The following SLIT3 variants were observed in gnomAD, a reference collection of about 807,000 sequenced individuals.
SLIT3 encodes slit guidance ligand 3.
In SLIT3, 68 loss-of-function variants were observed where a neutral mutation model predicts 184.0. The observed-to-expected ratio is 0.37, with a 90% confidence interval of 0.30 to 0.45. The LOEUF is 0.45. Ranked by LOEUF, SLIT3 falls within the 20% of genes least tolerant of loss-of-function variation. SLIT3 has a pLI of 1.00. For missense variants in SLIT3, 1,707 were observed against 2,026.0 expected (o/e 0.84, Z 3.02); for synonymous variants, 831 against 828.6 (o/e 1.00, Z -0.05).
intron 3 of SLIT3, among the ~76,000 whole-genome samples, chr5:169,198,170 C>A (rs559575277): frequency 4.6e-5 from 7 of 152,340 alleles, no homozygotes; most frequent in African/African-American, 1.4e-4. Flanking sequence ...GAATAAGATA[C>A]AGCCCCTTCT....
chr5:169,136,241 T>C (rs1761498440), intron 4 of SLIT3, among the ~76,000 whole-genome samples: 1 of 152,126 alleles, frequency 6.6e-6, no homozygotes, highest in Non-Finnish European at 1.5e-5. Context: ...AAAAGTAGCA[T>C]GAACTACGAG....
At chr5:168,711,080 C>T (rs377027879) in intron 24 of SLIT3, 22 bp from the exon 25 acceptor site, 2 of 1,543,192 alleles carry the variant, frequency 1.3e-6, no homozygotes, top group Non-Finnish European at 1.8e-6. Flanking sequence ...AACAGGAAGT[C>T]AGGGCCCCCT....
intron 4 of SLIT3, among the ~76,000 whole-genome samples, chr5:168,970,499 T>TAAAAAAAA (rs35085723): frequency 7.8e-6 from 1 of 127,412 alleles, no homozygotes; most frequent in Non-Finnish European, 1.8e-5. Flanking sequence ...CTGTCTCAAA[T>TAAAAAAAA]AAAAAAAAAA....
chr5:168,902,097 G>C (rs1760891841), intron 4 of SLIT3, among the ~76,000 whole-genome samples: 1 of 152,076 alleles, frequency 6.6e-6, no homozygotes, highest in Non-Finnish European at 1.5e-5. Flanking sequence ...TCACCATTTT[G>C]GCCAGTATGG....
At chr5:168,690,506 C>A (rs1166181474) in intron 29 of SLIT3, among the ~76,000 whole-genome samples, 1 of 152,232 alleles carries the variant, frequency 6.6e-6, no homozygotes, top group Non-Finnish European at 1.5e-5. Flanking sequence ...GCCTGGCCTG[C>A]TCTGCTTTGA....
chr5:168,923,984 GGAATAGGGTCACA>G (rs1761724012), intron 4 of SLIT3, among the ~76,000 whole-genome samples: 1 of 152,252 alleles, frequency 6.6e-6, no homozygotes, highest in East Asian at 1.9e-4. Flanking sequence ...ACAGCAGAAT[GGAATAGGGTCACA>G]GAGACTGTCT....
chr5:168,856,942 G>A (rs986126151), intron 5 of SLIT3, among the ~76,000 whole-genome samples: 1 of 152,054 alleles, frequency 6.6e-6, no homozygotes, highest in Non-Finnish European at 1.5e-5. Flanking sequence ...CTCTGGTCTG[G>A]GTGGGCTACG....
rs1448870144 is a variant in SLIT3 at position 169,300,644 on chromosome 5, C to T, written c.66G>A (p.Leu22=). 6 of 1,479,178 alleles carry T rather than the reference C, an allele frequency of 4.1e-6. No homozygotes were observed. Among genetic ancestry groups the T allele is most frequent in the Non-Finnish European group, 5.4e-6 (6 of 1,120,648 alleles). The allele number at this position is 1,479,178 out of a possible 1,614,324, so 91.6% of individuals were successfully genotyped here. A position where few individuals can be genotyped will look rare whatever the true frequency, so the allele number is the denominator to read the frequency against. ...CTGGAGGCCCACTCAGGACGCTCGC[C>T]AGCGCCAAGGCCAGCGCCAGGCGGG... is the stretch of plus-strand genomic sequence containing the variant. The part of the protein sequence containing the change: ...VRARLALALA[L]ASVLSGPPAV... Residue 22 remains leucine (L), a synonymous_variant, in exon 1 of 36, where the codon CTG becomes CTA. Transcript: ENST00000519560. This position sits in a 1 kb window ranked among gnomAD's most constrained non-coding sequence, Gnocchi z 4.1.
At chr5:169,296,349 T>C (rs937515610) in intron 1 of SLIT3, among the ~76,000 whole-genome samples, 10 of 152,190 alleles carry the variant, frequency 6.6e-5, no homozygotes, top group Non-Finnish European at 1.3e-4. Flanking sequence ...ACTAAGACTA[T>C]ACAAGAATTC....
chr5:168,781,996 G>T (rs1755989487), intron 12 of SLIT3, among the ~76,000 whole-genome samples: 1 of 152,152 alleles, frequency 6.6e-6, no homozygotes, highest in African/African-American at 2.4e-5. Flanking sequence ...AGCAGTTTCG[G>T]GTCCTGAAGA....
Position 168,964,617 on chromosome 5 carries a change from C to G in SLIT3, c.414-81281G>C, listed in dbSNP as rs545955393. 4.6e-5 allele frequency among the ~76,000 whole-genome samples: 7 copies of G among 152,290 alleles called. No individual in the cohort carries two copies. The East Asian group carries it at 7.7e-4, about 17-fold the overall frequency. Reference sequence around the variant, plus strand: ...ACAAACTGAGAAAATGTAAAATAATCCAGTTAAACACAGTCAACCTTTCAG... The same window carrying G: ...ACAAACTGAGAAAATGTAAAATAATGCAGTTAAACACAGTCAACCTTTCAG... On this transcript the variant is annotated intron_variant, in intron 4 of 35. Coordinates refer to ENST00000519560, the MANE Select transcript of SLIT3 (RefSeq NM_003062.4).
chr5:168,892,594 A>T (rs1760509592), intron 4 of SLIT3, among the ~76,000 whole-genome samples: 2 of 152,246 alleles, frequency 1.3e-5, no homozygotes, highest in Admixed American at 6.5e-5. Context: ...AGAATATTCC[A>T]TTCATTCAGC....
At chr5:169,114,527 G>C (rs1046170448) in intron 4 of SLIT3, among the ~76,000 whole-genome samples, 1 of 152,188 alleles carries the variant, frequency 6.6e-6, no homozygotes, top group Non-Finnish European at 1.5e-5. Context: ...CCCAGACTCA[G>C]TCTAAACTCA....
intron 4 of SLIT3, among the ~76,000 whole-genome samples, chr5:169,044,587 T>TG (rs57256659): frequency 0.057 from 3,995 of 70,506 alleles, 133 homozygotes; most frequent in Admixed American, 0.13. Context: ...TGGAGGAAGG[T>TG]GGGGGGGGGG....
Position 169,244,779 on chromosome 5 carries a change from A to G in SLIT3, c.270-3T>C, listed in dbSNP as rs1765532286. 1 of 1,613,412 alleles carries G rather than the reference A, an allele frequency of 6.2e-7. No individual in the cohort carries two copies. The highest frequency in any genetic ancestry group is 8.5e-7 in the Non-Finnish European group (1 of 1,179,870). On this transcript the variant is annotated splice_polypyrimidine_tract_variant and splice_region_variant and intron_variant, in intron 2 of 35. Transcript: ENST00000519560. ...TGACCTGGTTGTCTTCCAGATGCCT[A>G]CAACCACAGAGACAGCAATGACTAA...
chr5:168,680,707 CCCCAGCCCT>C (rs1289669423), intron 32 of SLIT3, among the ~76,000 whole-genome samples: 1 of 152,196 alleles, frequency 6.6e-6, no homozygotes, highest in African/African-American at 2.4e-5. Flanking sequence ...CCTCCATTAA[CCCCAGCCCT>C]CCCACATGGC....
In SLIT3 at chr5:168,710,912, T is replaced by A. The variant is rs762148599; in HGVS notation, c.2702A>T (p.His901Leu). Reference sequence around the variant, plus strand: ...TCACCTACCTTTGCACTGGAAGCGGTGGGTTGGGGTGGTGAGCAGGAGCCT... The same window carrying A: ...TCACCTACCTTTGCACTGGAAGCGGAGGGTTGGGGTGGTGAGCAGGAGCCT... ...ADRLLLTTPT[H>L]RFQCKGPVDI... The change falls in exon 25 of 36, where the codon CAC (histidine) becomes CTC (leucine). Residue 901 changes from histidine (H) to leucine (L), a missense_variant. Around this residue, in one of 3 missense-constraint regions of SLIT3, gnomAD observed 1,307 missense variants for 1,511.6 expected, o/e 0.86. Coordinates refer to ENST00000519560, the MANE Select transcript of SLIT3 (RefSeq NM_003062.4). 6.5e-6 allele frequency: 10 copies of A among 1,547,488 alleles called. No individual in the cohort carries two copies. Among genetic ancestry groups the A allele is most frequent in the African/African-American group, 1.4e-5 (1 of 73,658 alleles).
chr5:169,226,326 CCT>C (rs1261690856), intron 3 of SLIT3, among the ~76,000 whole-genome samples: 1 of 152,012 alleles, frequency 6.6e-6, no homozygotes, highest in Non-Finnish European at 1.5e-5. Context: ...ACCTTCGACT[CCT>C]CTGCAGCCCC....
intron 4 of SLIT3, among the ~76,000 whole-genome samples, chr5:169,103,489 T>C (rs1281049058): frequency 2.6e-5 from 4 of 152,200 alleles, no homozygotes; most frequent in African/African-American, 9.7e-5. Context: ...CTGGTGAGTT[T>C]TGAAAGCAAG....
Sources: gnomAD v4.1 joint callset for allele counts (sites outside exome capture counted in the v4.1 genomes callset) on GRCh38, gnomAD v4.1.1 for gene constraint, gnomAD v4.1.1 regional missense constraint, Gnocchi (gnomAD v3.1) non-coding constraint, MANE v1.5 for transcripts, NCBI Gene and HGNC (gene_info 2026-07-23, HGNC 2026-07-21) for gene names.